SH3PXD2A: variants seen among roughly 807,000 people sequenced by gnomAD.
SH3PXD2A encodes the protein SH3 and PX domains 2A, also known as SH3 and PX domain-containing protein 2A.
A neutral mutation model predicts 115.2 loss-of-function variants in SH3PXD2A; 32 were observed. That is an observed-to-expected ratio of 0.28 (90% confidence interval 0.21 to 0.37). The LOEUF is 0.37. Among genes scored for constraint, SH3PXD2A ranks in the 10% least tolerant of loss-of-function variants. The pLI, the probability that SH3PXD2A is intolerant of heterozygous loss-of-function variation, is 1.00. For missense variants in SH3PXD2A, 1,328 were observed against 1,498.7 expected (o/e 0.89, Z 1.88); for synonymous variants, 610 against 629.1 (o/e 0.97, Z 0.45).
chr10:103,662,035 G>A, intron 7 of SH3PXD2A: 1 of 835,650 alleles, frequency 1.2e-6, no homozygotes, highest in East Asian at 1.2e-4. Context: ...CTTCCAGAGA[G>A]GGCCCTCTGG....
intron 3 of SH3PXD2A, among the ~76,000 whole-genome samples, chr10:103,747,841 G>A (rs1301277692): frequency 6.6e-6 from 1 of 151,944 alleles, no homozygotes; most frequent in African/African-American, 2.4e-5. Context: ...GTAGAGATGA[G>A]GTCTCACTGT....
intron 3 of SH3PXD2A, among the ~76,000 whole-genome samples, chr10:103,743,338 G>A (rs972111777): frequency 2.0e-5 from 3 of 152,044 alleles, no homozygotes; most frequent in Admixed American, 6.5e-5. Context: ...CCAACTCACC[G>A]AGTCACTGAG....
intron 1 of SH3PXD2A, among the ~76,000 whole-genome samples, chr10:103,835,381 C>G (rs978602395): frequency 1.3e-5 from 2 of 152,226 alleles, no homozygotes; most frequent in Non-Finnish European, 2.9e-5. Context: ...CACCCGCGAT[C>G]CCTTCCAGGA....
At chr10:103,745,591 G>C (rs1198054165) in intron 3 of SH3PXD2A, among the ~76,000 whole-genome samples, 1 of 152,144 alleles carries the variant, frequency 6.6e-6, no homozygotes, top group Non-Finnish European at 1.5e-5. Context: ...CTTATGAGTT[G>C]ACACTTCCAG....
intron 2 of SH3PXD2A, among the ~76,000 whole-genome samples, chr10:103,778,914 G>T (rs2038906159): frequency 6.6e-6 from 1 of 152,214 alleles, no homozygotes; most frequent in Non-Finnish European, 1.5e-5. Flanking sequence ...CAAGAGGGAA[G>T]AGCATGAGGC....
intron 8 of SH3PXD2A, among the ~76,000 whole-genome samples, chr10:103,657,179 G>A (rs545344050): frequency 5.9e-5 from 9 of 152,070 alleles, no homozygotes; most frequent in South Asian, 2.1e-4. Flanking sequence ...TATCATGCCC[G>A]GTGCCAGGAA....
intron 6 of SH3PXD2A, chr10:103,678,021 A>G: frequency 1.2e-6 from 1 of 860,932 alleles, no homozygotes; most frequent in Non-Finnish European, 1.7e-6. Context: ...AACACCCTGA[A>G]GGGCGTTGGC....
chr10:103,852,989 G>C (rs568398258), intron 1 of SH3PXD2A, among the ~76,000 whole-genome samples: 1 of 152,042 alleles, frequency 6.6e-6, no homozygotes, highest in African/African-American at 2.4e-5. Context: ...ATGAGTCTTC[G>C]GGTCTCTGCC....
intron 2 of SH3PXD2A, among the ~76,000 whole-genome samples, chr10:103,795,165 C>T (rs546778918): frequency 6.6e-6 from 1 of 152,354 alleles, no homozygotes; most frequent in East Asian, 1.9e-4. Context: ...CTAGCAAGTG[C>T]AACCAAGGAA....
intron 8 of SH3PXD2A, among the ~76,000 whole-genome samples, chr10:103,644,499 T>C (rs2037005923): frequency 6.7e-6 from 1 of 148,592 alleles, no homozygotes; most frequent in East Asian, 2.0e-4. Flanking sequence ...GGTGGGAGGA[T>C]CACTTGAGCC....
At chr10:103,697,682 G>A (rs1308448805) in intron 5 of SH3PXD2A, among the ~76,000 whole-genome samples, 1 of 152,220 alleles carries the variant, frequency 6.6e-6, no homozygotes. Flanking sequence ...TAAAGGGCTT[G>A]CATTTTTATG....
chr10:103,644,733 T>A (rs975908204), intron 8 of SH3PXD2A, among the ~76,000 whole-genome samples: 2 of 152,112 alleles, frequency 1.3e-5, no homozygotes, highest in African/African-American at 4.8e-5. Context: ...TCCCTGTCCA[T>A]CAGAGAAAAG....
At position 103,811,071 on chromosome 10, in the gene SH3PXD2A, C is replaced by T. The variant is rs115280689; in HGVS notation, c.73-9709G>A. On this transcript the variant is annotated intron_variant, in intron 1 of 14. Coordinates refer to ENST00000369774, the MANE Select transcript of SH3PXD2A (RefSeq NM_001394015.1). ...GCTCTGCTGCCCAGGGCTGGGAAAA[C>T]AATGACGGTCCCCAGGAGCGTCCGC... Among the ~76,000 whole-genome samples the T allele has an allele frequency of 1.6e-3, 240 of 152,262 alleles. 1 individual carries two copies. The highest frequency in any genetic ancestry group is 5.4e-3 in the African/African-American group (226 of 41,546).
At chr10:103,621,347 C>T (rs923994865) in intron 10 of SH3PXD2A, among the ~76,000 whole-genome samples, 5 of 152,208 alleles carry the variant, frequency 3.3e-5, no homozygotes, top group African/African-American at 1.2e-4. Context: ...ACTTGACCCC[C>T]AGCCCTGTGT....
At chr10:103,701,225 C>T (rs1313033972) in intron 5 of SH3PXD2A, among the ~76,000 whole-genome samples, 1 of 150,078 alleles carries the variant, frequency 6.7e-6, no homozygotes, top group Non-Finnish European at 1.5e-5. Context: ...ATCCATCTAC[C>T]ATCCAGCCAT....
intron 1 of SH3PXD2A, among the ~76,000 whole-genome samples, chr10:103,833,726 C>T (rs1410253173): frequency 6.6e-6 from 1 of 152,196 alleles, no homozygotes; most frequent in African/African-American, 2.4e-5. Context: ...TGCACTGGAT[C>T]TCCTTTGCTA....
At chr10:103,773,571 C>G (rs1185626384) in intron 2 of SH3PXD2A, among the ~76,000 whole-genome samples, 1 of 152,010 alleles carries the variant, frequency 6.6e-6, no homozygotes, top group Admixed American at 6.5e-5. Flanking sequence ...TCTTGAGTAG[C>G]TGGGATTACA....
intron 4 of SH3PXD2A, among the ~76,000 whole-genome samples, chr10:103,731,319 C>T (rs1306587328): frequency 1.3e-5 from 2 of 152,078 alleles, no homozygotes; most frequent in South Asian, 2.1e-4. Context: ...CACTACCACG[C>T]CCAGCTACTT....
chr10:103,607,250 TC>T (rs960578294), intron 13 of SH3PXD2A, among the ~76,000 whole-genome samples: 1 of 146,980 alleles, frequency 6.8e-6, no homozygotes, highest in African/African-American at 2.6e-5. Context: ...GAGGAGACTC[TC>T]CGCCTGGCAA....
Sources: allele counts gnomAD v4.1 joint callset (sites outside exome capture counted in the v4.1 genomes callset), GRCh38; gene constraint gnomAD v4.1.1; transcripts MANE v1.5; gene names NCBI Gene and HGNC (gene_info 2026-07-23, HGNC 2026-07-21).